GRM7: variants seen among roughly 807,000 people sequenced by gnomAD.
GRM7 encodes metabotropic glutamate receptor 7.
Under a neutral mutation model 84.5 loss-of-function variants are expected in GRM7, and 35 were observed. The ratio of observed to expected loss-of-function variants is 0.41; its 90% CI spans 0.32 to 0.55. The LOEUF (loss-of-function observed/expected upper bound fraction) is 0.55. GRM7 is among the 20% of genes least tolerant of loss of function. The pLI, the probability that GRM7 is intolerant of heterozygous loss-of-function variation, is 0.19. For synonymous variants in GRM7, 487 were observed against 455.1 expected, an observed-to-expected ratio of 1.07 and a Z score of -0.89; for missense variants, 1,003 against 1,194.6, an observed-to-expected ratio of 0.84 and a Z score of 2.36.
chr3:7,087,272 T>C (rs910466220), intron 1 of GRM7, among the ~76,000 whole-genome samples: 3 of 152,158 alleles, frequency 2.0e-5, no homozygotes, highest in African/African-American at 4.8e-5. Flanking sequence ...CTCCTGAAAA[T>C]AAATGTTTAT....
At chr3:6,945,272 C>A (rs943024484) in intron 1 of GRM7, among the ~76,000 whole-genome samples, 1 of 132,040 alleles carries the variant, frequency 7.6e-6, no homozygotes, top group Non-Finnish European at 1.5e-5. Flanking sequence ...TCCATGTGTT[C>A]TCATTGTTCA....
intron 7 of GRM7, among the ~76,000 whole-genome samples, chr3:7,480,645 T>C (rs1280072615): frequency 2.0e-5 from 3 of 152,246 alleles, no homozygotes; most frequent in Non-Finnish European, 2.9e-5. Context: ...ATTGTAAGTA[T>C]TGCAGAGTTA....
At chr3:7,025,294 T>A (rs1695940761) in intron 1 of GRM7, among the ~76,000 whole-genome samples, 1 of 152,150 alleles carries the variant, frequency 6.6e-6, no homozygotes, top group South Asian at 2.1e-4. Flanking sequence ...AACAAACTCA[T>A]GGGTTCTAGG....
intron 4 of GRM7, among the ~76,000 whole-genome samples, chr3:7,396,632 G>A (rs1034703473): frequency 2.6e-5 from 4 of 152,070 alleles, no homozygotes; most frequent in African/African-American, 9.7e-5. Context: ...CATTAAGACT[G>A]GAAATGTAGT....
chr3:6,917,589 C>A (rs920254824), intron 1 of GRM7, among the ~76,000 whole-genome samples: 12 of 148,606 alleles, frequency 8.1e-5, no homozygotes, highest in Admixed American at 3.4e-4. Context: ...TGCAGAGGCA[C>A]AAACAAATGC....
intron 9 of GRM7, among the ~76,000 whole-genome samples, chr3:7,694,807 GA>G (rs1275297532): frequency 5.3e-5 from 8 of 152,146 alleles, no homozygotes; most frequent in Admixed American, 6.5e-5. Context: ...ATGTATGGCA[GA>G]AAATTTGCCA....
chr3:7,186,049 T>A (rs991803109), intron 2 of GRM7, among the ~76,000 whole-genome samples: 42 of 145,518 alleles, frequency 2.9e-4, no homozygotes, highest in African/African-American at 1.1e-3. Context: ...AGCTTCACCA[T>A]GGGCATGTCT....
chr3:7,469,851 TC>T (rs1698625280), intron 7 of GRM7, among the ~76,000 whole-genome samples: 1 of 152,264 alleles, frequency 6.6e-6, no homozygotes, highest in Admixed American at 6.5e-5. Context: ...AAGTACTGCT[TC>T]CCATTTGTCA....
At chr3:7,455,147 A>T (rs1335546834) in intron 6 of GRM7, among the ~76,000 whole-genome samples, 4 of 152,168 alleles carry the variant, frequency 2.6e-5, no homozygotes, top group Non-Finnish European at 5.9e-5. Flanking sequence ...CTCATAAAAT[A>T]AATAACCATG....
At chr3:7,429,309 C>A (rs1469404520) in intron 5 of GRM7, among the ~76,000 whole-genome samples, 2 of 152,020 alleles carry the variant, frequency 1.3e-5, no homozygotes, top group Non-Finnish European at 2.9e-5. Context: ...CAATAAAATG[C>A]ACATTACCTA....
intron 2 of GRM7, among the ~76,000 whole-genome samples, chr3:7,174,337 A>G (rs1182445880): frequency 6.6e-6 from 1 of 152,254 alleles, no homozygotes; most frequent in African/African-American, 2.4e-5. Flanking sequence ...AGAAACCACT[A>G]AAAACATATT....
chr3:7,022,992 T>C (rs536264041), intron 1 of GRM7, among the ~76,000 whole-genome samples: 2 of 150,524 alleles, frequency 1.3e-5, no homozygotes, highest in Non-Finnish European at 3.0e-5. Flanking sequence ...AGATGGGGAG[T>C]GTAGAAAATT....
chr3:7,265,418 T>C (rs1698600834), intron 2 of GRM7, among the ~76,000 whole-genome samples: 1 of 152,238 alleles, frequency 6.6e-6, no homozygotes, highest in Non-Finnish European at 1.5e-5. Flanking sequence ...ATCCACATCT[T>C]GCCCCTGAGT....
chr3:7,571,861 G>A (rs1256296613), intron 7 of GRM7, among the ~76,000 whole-genome samples: 2 of 151,128 alleles, frequency 1.3e-5, no homozygotes, highest in African/African-American at 4.8e-5. Flanking sequence ...GACTGGGGAG[G>A]CCTCACAATC....
At chr3:7,531,087 T>G (rs1305281159) in intron 7 of GRM7, among the ~76,000 whole-genome samples, 1 of 152,190 alleles carries the variant, frequency 6.6e-6, no homozygotes, top group East Asian at 1.9e-4. Context: ...GGTCTTATGT[T>G]TAAGTCTTTA....
At chr3:7,438,245 G>C (rs546531449) in intron 5 of GRM7, among the ~76,000 whole-genome samples, 90 of 152,158 alleles carry the variant, frequency 5.9e-4, no homozygotes, top group African/African-American at 2.1e-3. Context: ...AGCAGTCCAG[G>C]TGAGATAGGA....
intron 5 of GRM7, among the ~76,000 whole-genome samples, chr3:7,440,536 T>C (rs930290882): frequency 6.6e-6 from 1 of 152,170 alleles, no homozygotes; most frequent in African/African-American, 2.4e-5. Flanking sequence ...CAAGAGTACA[T>C]ATGCAGCTTG....
chr3:7,423,703 G>A (rs1034883116), intron 5 of GRM7, among the ~76,000 whole-genome samples: 3 of 145,382 alleles, frequency 2.1e-5, no homozygotes, highest in Non-Finnish European at 4.5e-5. Flanking sequence ...TTTATGGGAT[G>A]TATAGCATCA....
chr3:7,649,490 C>T (rs1176819418), intron 8 of GRM7, among the ~76,000 whole-genome samples: 2 of 152,120 alleles, frequency 1.3e-5, no homozygotes, highest in Non-Finnish European at 2.9e-5. Flanking sequence ...TTCTTGACTT[C>T]TTGTTGATAG....
Sources: gnomAD v4.1 joint callset for allele counts (sites outside exome capture counted in the v4.1 genomes callset) on GRCh38, gnomAD v4.1.1 for gene constraint, MANE v1.5 for transcripts, NCBI Gene and HGNC (gene_info 2026-07-23, HGNC 2026-07-21) for gene names.